Variants in ATP2C1 observed in about 807,000 individuals in gnomAD.
ATP2C1 encodes the protein calcium-transporting ATPase type 2C member 1.
Under a neutral mutation model 120.5 loss-of-function variants are expected in ATP2C1, and 31 were observed. The observed-to-expected ratio is 0.26, with a 90% CI of 0.19 to 0.35. The LOEUF (loss-of-function observed/expected upper bound fraction) is 0.35. Ranked by LOEUF, ATP2C1 falls within the 10% of genes least tolerant of loss-of-function variation. The pLI is 1.00. For missense variants in ATP2C1, 731 were observed against 1,107.5 expected (o/e 0.66, Z 4.83); for synonymous variants, 351 against 358.7 (o/e 0.98, Z 0.24).
At chr3:130,890,515 G>T (rs1048898193), upstream of ATP2C1, among the ~76,000 whole-genome samples, 3 of 152,166 alleles carry the variant, frequency 2.0e-5, no homozygotes, top group Non-Finnish European at 4.4e-5. Context: ...TTTCATCTCA[G>T]TTTCATCAAA....
chr3:130,964,161 CA>C (rs2108634245), intron 13 of ATP2C1, 66 bp downstream of exon 13: 1 of 1,590,564 alleles, frequency 6.3e-7, no homozygotes, highest in Non-Finnish European at 8.6e-7. Context: ...TGAATCATCT[CA>C]GAGTTTTACA....
chr3:130,957,188 TTC>T (rs2060619114), intron 11 of ATP2C1, among the ~76,000 whole-genome samples: 1 of 152,202 alleles, frequency 6.6e-6, no homozygotes. Context: ...TTCCTTGAGA[TTC>T]TGTTATCACC....
chr3:130,960,559 A>G (rs1296921333), intron 12 of ATP2C1, among the ~76,000 whole-genome samples: 1 of 152,206 alleles, frequency 6.6e-6, no homozygotes, highest in Non-Finnish European at 1.5e-5. Flanking sequence ...TCCCTTAATC[A>G]TAGCAGTGTT....
intron 1 of ATP2C1, among the ~76,000 whole-genome samples, chr3:130,869,695 A>G (rs540669829): frequency 1.1e-4 from 16 of 152,350 alleles, no homozygotes; most frequent in African/African-American, 3.1e-4. Flanking sequence ...CCTTTAGGCC[A>G]AAGTCTAATT....
At chr3:130,876,938 ATTT>A (rs1294364717) in intron 1 of ATP2C1, among the ~76,000 whole-genome samples, 2 of 152,058 alleles carry the variant, frequency 1.3e-5, no homozygotes, top group African/African-American at 4.8e-5. Context: ...AATGCTACTG[ATTT>A]TTGTATGTTG....
At chr3:130,990,519 A>AGT (rs1229055062) in intron 20 of ATP2C1, among the ~76,000 whole-genome samples, 4 of 152,138 alleles carry the variant, frequency 2.6e-5, no homozygotes, top group African/African-American at 9.7e-5. Flanking sequence ...ATAGGAGTGC[A>AGT]GTGAGGTGTG....
chr3:130,989,263 A>C (rs1577009536), intron 20 of ATP2C1, among the ~76,000 whole-genome samples: 1 of 132,456 alleles, frequency 7.5e-6, no homozygotes, highest in East Asian at 2.1e-4. Context: ...AAAAAAAAAC[A>C]AAAAAACAAA....
upstream of ATP2C1, among the ~76,000 whole-genome samples, chr3:130,891,525 G>A (rs376064548): frequency 2.6e-5 from 4 of 152,218 alleles, no homozygotes; most frequent in African/African-American, 9.6e-5. Flanking sequence ...AAATATTCAG[G>A]ACAAAAGGAG....
chr3:130,974,267 T>C (rs1259782339), intron 17 of ATP2C1, among the ~76,000 whole-genome samples: 1 of 152,220 alleles, frequency 6.6e-6, no homozygotes, highest in African/African-American at 2.4e-5. Context: ...TCAATCAGGA[T>C]AGGCCATGAA....
Position 130,979,526 on chromosome 3 carries a change from T to G in ATP2C1, c.1741+107T>G, listed in dbSNP as rs1356184349. The G allele has an allele frequency of 4.9e-6, 6 of 1,226,964 alleles. No homozygotes were observed. In the East Asian group the frequency reaches 1.0e-4, roughly 21 times the overall value. 76.0% of individuals were successfully genotyped at this position (1,226,964 alleles called of 1,614,324 possible). ...GAATATGTTTATGTAATATTGAGAT[T>G]ATGCAATTGAAATCGACTCATGGTT... On this transcript the variant is annotated intron_variant, in intron 19 of 27. Transcript: ENST00000510168.
intron 27 of ATP2C1, among the ~76,000 whole-genome samples, chr3:130,999,875 T>C (rs1358368764): frequency 1.3e-5 from 2 of 152,188 alleles, no homozygotes; most frequent in Non-Finnish European, 1.5e-5. Flanking sequence ...TCAATTGTTA[T>C]AAAAATCATA....
chr3:130,947,249 A>G (rs1576834563), intron 8 of ATP2C1, among the ~76,000 whole-genome samples: 1 of 151,390 alleles, frequency 6.6e-6, no homozygotes, highest in African/African-American at 2.5e-5. Context: ...CATCCACCAC[A>G]TTAAAAAAAA....
rs1287925911 is a variant in ATP2C1 at position 131,002,805 on chromosome 3, T to C, written c.*1455T>C. 1.0e-6 allele frequency: 1 copy of C among 985,588 alleles called. No homozygotes were observed. The highest frequency in any genetic ancestry group is 1.2e-6 in the Non-Finnish European group (1 of 829,930). 61.1% of individuals were successfully genotyped at this position (985,588 alleles called of 1,614,324 possible). On this transcript the variant is annotated 3_prime_UTR_variant, in exon 28 of 28. Transcript: ENST00000510168. ...AATATTGTCATTGATAGGGAAAATA[T>C]CTATTCTTTGAGTCATTGTTACTGA...
At chr3:130,963,087 G>T (rs1367639541) in intron 12 of ATP2C1, 1 of 151,948 alleles carries the variant, frequency 6.6e-6, no homozygotes, top group Admixed American at 6.6e-5. Context: ...ATTTGGAATG[G>T]CACAAAGAAA....
intron 20 of ATP2C1, among the ~76,000 whole-genome samples, chr3:130,989,583 A>AT (rs35542240): frequency 7.0e-6 from 1 of 142,450 alleles, no homozygotes; most frequent in African/African-American, 2.6e-5. Flanking sequence ...AAAAAAAAAA[A>AT]CACAAACCCT....
At chr3:130,895,537 C>T (rs992817696) in intron 2 of ATP2C1, among the ~76,000 whole-genome samples, 4 of 152,058 alleles carry the variant, frequency 2.6e-5, no homozygotes, top group Admixed American at 2.6e-4. Context: ...AACACTTATT[C>T]TTTGGACTGA....
chr3:131,011,278 C>T (rs1248727209), intron 26 of ATP2C1, among the ~76,000 whole-genome samples: 1 of 152,190 alleles, frequency 6.6e-6, no homozygotes, highest in African/African-American at 2.4e-5. Context: ...AAAAAATAGA[C>T]TTCCAGTATA....
intron 5 of ATP2C1, 115 bp from the exon 6 acceptor site, chr3:130,937,313 T>A (rs966449901): frequency 1.2e-6 from 1 of 865,076 alleles, no homozygotes; most frequent in African/African-American, 1.7e-5. Flanking sequence ...TTCCAGCTGA[T>A]CTCAGTGTTT....
At chr3:130,965,883 T>C (rs1576913124) in intron 14 of ATP2C1, among the ~76,000 whole-genome samples, 1 of 152,158 alleles carries the variant, frequency 6.6e-6, no homozygotes, top group Admixed American at 6.6e-5. Context: ...CACAGCCTGC[T>C]TCATAGTAAT....
Sources: gnomAD v4.1 joint callset for allele counts (sites outside exome capture counted in the v4.1 genomes callset) on GRCh38, gnomAD v4.1.1 for gene constraint, MANE v1.5 for transcripts, NCBI Gene and HGNC (gene_info 2026-07-23, HGNC 2026-07-21) for gene names.